The following ADK variants were observed in gnomAD, a reference collection of about 807,000 sequenced individuals.
ADK encodes N6,N6-dimethyladenosine kinase.
Under a neutral mutation model 44.7 loss-of-function variants are expected in ADK, and 24 were observed. The observed-to-expected ratio is 0.54, with a 90% confidence interval of 0.39 to 0.76. ADK has a LOEUF of 0.76. ADK is among the 30% of genes least tolerant of loss of function. The pLI is 0.00. For missense variants in ADK, 321 were observed against 425.1 expected (o/e 0.76, Z 2.15); for synonymous variants, 128 against 142.6 (o/e 0.90, Z 0.73).
intron 6 of ADK, among the ~76,000 whole-genome samples, chr10:74,457,259 C>G (rs1845987208): frequency 1.3e-5 from 2 of 152,102 alleles, no homozygotes. Flanking sequence ...TGGTCAGATA[C>G]CCCCTCCCAA....
At chr10:74,228,080 A>T (rs571985229) in intron 3 of ADK, among the ~76,000 whole-genome samples, 2 of 152,356 alleles carry the variant, frequency 1.3e-5, no homozygotes, top group East Asian at 3.9e-4. Flanking sequence ...ATTAATGAAT[A>T]TTAAGTATGT....
At chr10:74,224,362 G>A (rs377492500) in intron 2 of ADK, among the ~76,000 whole-genome samples, 176 bp from the exon 3 acceptor site, 24 of 152,234 alleles carry the variant, frequency 1.6e-4, no homozygotes, top group South Asian at 1.2e-3. Flanking sequence ...CTGGAGTGGT[G>A]TTCCTGGAAA....
intron 1 of ADK, among the ~76,000 whole-genome samples, chr10:74,175,428 A>C (rs1254676549): frequency 6.6e-6 from 1 of 152,090 alleles, no homozygotes; most frequent in East Asian, 1.9e-4. Context: ...AATTGTGTTT[A>C]GTGGAAAAAT....
chr10:74,215,665 CTTT>C (rs35998695), intron 2 of ADK, among the ~76,000 whole-genome samples: 2 of 129,264 alleles, frequency 1.5e-5, no homozygotes, highest in African/African-American at 2.9e-5. Flanking sequence ...ATAAATCACT[CTTT>C]TTTTTTTTTT....
chr10:74,512,945 T>C (rs1848404263), intron 6 of ADK, among the ~76,000 whole-genome samples: 1 of 152,108 alleles, frequency 6.6e-6, no homozygotes, highest in South Asian at 2.1e-4. Flanking sequence ...CCATAGGTTT[T>C]GGTATGTTGT....
At chr10:74,407,243 G>A (rs148212758) in intron 6 of ADK, among the ~76,000 whole-genome samples, 8 of 152,182 alleles carry the variant, frequency 5.3e-5, no homozygotes, top group African/African-American at 7.2e-5. Context: ...GGCATGAGCC[G>A]CCATGTCCAG....
chr10:74,468,316 A>G (rs1438274084), intron 6 of ADK, among the ~76,000 whole-genome samples: 1 of 152,218 alleles, frequency 6.6e-6, no homozygotes, highest in Non-Finnish European at 1.5e-5. Context: ...TGGTGAAGCC[A>G]AAACCTCCTT....
At chr10:74,404,332 T>A (rs1301683443) in intron 6 of ADK, among the ~76,000 whole-genome samples, 1 of 152,088 alleles carries the variant, frequency 6.6e-6, no homozygotes, top group Non-Finnish European at 1.5e-5. Flanking sequence ...TAAGAAAAAA[T>A]TCATATTTTT....
intron 9 of ADK, chr10:74,661,272 A>G (rs1854715552): frequency 1.0e-6 from 1 of 955,674 alleles, no homozygotes; most frequent in East Asian, 1.2e-4. Flanking sequence ...TTATTCCATC[A>G]TCACCTTTTT....
chr10:74,206,571 C>A (rs1481256078), intron 2 of ADK, among the ~76,000 whole-genome samples: 13 of 152,152 alleles, frequency 8.5e-5, no homozygotes, highest in African/African-American at 3.1e-4. Flanking sequence ...CAGCCTGTCA[C>A]CTGTTTTAGT....
chr10:74,616,678 A>G (rs1269453745), intron 9 of ADK, among the ~76,000 whole-genome samples: 2 of 152,158 alleles, frequency 1.3e-5, no homozygotes, highest in South Asian at 2.1e-4. Context: ...CTTCAAGATT[A>G]TCCTGGCTTT....
intron 4 of ADK, among the ~76,000 whole-genome samples, chr10:74,361,055 G>A (rs1183807345): frequency 6.6e-6 from 1 of 152,074 alleles, no homozygotes; most frequent in Admixed American, 6.5e-5. Flanking sequence ...CTACAGGCGT[G>A]CACCACCATG....
chr10:74,512,010 G>A (rs1848351430), intron 6 of ADK, among the ~76,000 whole-genome samples: 1 of 152,058 alleles, frequency 6.6e-6, no homozygotes, highest in Non-Finnish European at 1.5e-5. Flanking sequence ...TTTTTATGAA[G>A]GAATATTAAA....
At chr10:74,432,058 G>A (rs1013403228) in intron 6 of ADK, among the ~76,000 whole-genome samples, 4 of 151,978 alleles carry the variant, frequency 2.6e-5, no homozygotes, top group African/African-American at 9.7e-5. Context: ...TTTAGACATG[G>A]TGGCTTGTGC....
chr10:74,636,715 G>A (rs1288702973), intron 9 of ADK, among the ~76,000 whole-genome samples: 2 of 152,140 alleles, frequency 1.3e-5, no homozygotes, highest in South Asian at 2.1e-4. Flanking sequence ...AATATTTAAG[G>A]TGTTAAGGAC....
At chr10:74,213,685 A>G (rs1564596801) in intron 2 of ADK, among the ~76,000 whole-genome samples, 1 of 152,216 alleles carries the variant, frequency 6.6e-6, no homozygotes, top group Non-Finnish European at 1.5e-5. Flanking sequence ...AGTCAATAAT[A>G]CCTGATGCAA....
At chr10:74,414,427 A>T (rs1844295005) in intron 6 of ADK, among the ~76,000 whole-genome samples, 2 of 152,178 alleles carry the variant, frequency 1.3e-5, no homozygotes, top group African/African-American at 4.8e-5. Context: ...TTTGCTGGAT[A>T]AATTTTCAAA....
chr10:74,704,285 T>G (rs1856525054), intron 10 of ADK, among the ~76,000 whole-genome samples: 1 of 152,228 alleles, frequency 6.6e-6, no homozygotes, highest in Non-Finnish European at 1.5e-5. Flanking sequence ...ATTGTGAATG[T>G]ACTTAATGTC....
intron 2 of ADK, among the ~76,000 whole-genome samples, chr10:74,220,289 T>C (rs1054682470): frequency 2.0e-5 from 3 of 152,110 alleles, no homozygotes; most frequent in African/African-American, 4.8e-5. Context: ...ATAAATTCCT[T>C]GATACATACA....
Sources: gnomAD v4.1 joint callset for allele counts (sites outside exome capture counted in the v4.1 genomes callset) on GRCh38, gnomAD v4.1.1 for gene constraint, MANE v1.5 for transcripts, NCBI Gene and HGNC (gene_info 2026-07-23, HGNC 2026-07-21) for gene names.